LRRC37A2: variants seen among roughly 807,000 people sequenced by gnomAD.
The protein encoded by LRRC37A2 is leucine rich repeat containing 37 member A2, also known as leucine-rich repeat-containing protein 37A2.
A neutral mutation model predicts 68.8 loss-of-function variants in LRRC37A2; 9 were observed. That is an observed-to-expected ratio of 0.13 (90% confidence interval 0.08 to 0.23). The LOEUF (loss-of-function observed/expected upper bound fraction) is 0.23. LRRC37A2 is among the 10% of genes least tolerant of loss of function. The pLI is 1.00. For synonymous variants in LRRC37A2, 63 were observed against 367.6 expected (o/e 0.17, Z 9.48); for missense variants, 168 against 950.4 (o/e 0.18, Z 10.82).
chr17:46,902,461 C>CATGTGTGTGT, the LRRC37A2 span, among the ~76,000 whole-genome samples: 8 of 148,016 alleles, frequency 5.4e-5, no homozygotes, highest in African/African-American at 2.0e-4. Context: ...GGGAACAGTG[C>CATGTGTGTGT]GTGTGTGTGT....
the LRRC37A2 span, among the ~76,000 whole-genome samples, chr17:46,814,067 C>G: frequency 6.6e-6 from 1 of 152,186 alleles, no homozygotes; most frequent in Non-Finnish European, 1.5e-5. Context: ...TTGACCTCAT[C>G]GCCAAAGGTC....
At chr17:46,743,270 CCCTCACCCA>C in the LRRC37A2 span, among the ~76,000 whole-genome samples, 2 of 152,156 alleles carry the variant, frequency 1.3e-5, no homozygotes, top group South Asian at 4.1e-4. Flanking sequence ...GGCATCCCGT[CCCTCACCCA>C]CCTGACCTAA....
the LRRC37A2 span, chr17:46,938,150 C>T: frequency 7.6e-6 from 2 of 264,178 alleles, no homozygotes; most frequent in Non-Finnish European, 1.5e-5. Context: ...GGGATGAGTC[C>T]CTGCGCCTGG....
chr17:46,935,056 G>C, the LRRC37A2 span: 1 of 1,612,502 alleles, frequency 6.2e-7, no homozygotes, highest in Non-Finnish European at 8.5e-7. Flanking sequence ...ACCAATGGAC[G>C]AATCACTGCA....
the LRRC37A2 span, among the ~76,000 whole-genome samples, chr17:46,841,343 C>T: frequency 6.6e-6 from 1 of 152,158 alleles, no homozygotes; most frequent in East Asian, 1.9e-4. Flanking sequence ...TCCTGGCGGT[C>T]CTGGATCAGA....
chr17:46,884,928 C>T, the LRRC37A2 span: 5 of 348,602 alleles, frequency 1.4e-5, no homozygotes, highest in Non-Finnish European at 2.8e-5. Flanking sequence ...AATTTGTGAA[C>T]TCCCCCAACT....
At chr17:46,735,480 AG>A in the LRRC37A2 span, among the ~76,000 whole-genome samples, 1 of 151,850 alleles carries the variant, frequency 6.6e-6, no homozygotes, top group Non-Finnish European at 1.5e-5. Context: ...AAAAAAAAAA[AG>A]AAACCTATGT....
At chr17:47,021,310 GA>G in the LRRC37A2 span, among the ~76,000 whole-genome samples, 1 of 133,332 alleles carries the variant, frequency 7.5e-6, no homozygotes, top group Non-Finnish European at 1.6e-5. Context: ...AATTCAGGGA[GA>G]CAAAATAGAA....
At chr17:47,044,741 T>G in the LRRC37A2 span, among the ~76,000 whole-genome samples, 3 of 151,500 alleles carry the variant, frequency 2.0e-5, no homozygotes, top group East Asian at 3.9e-4. Context: ...CCAAAAATTT[T>G]GGGCTCAAGC....
chr17:46,809,879 C>T, the LRRC37A2 span, among the ~76,000 whole-genome samples: 1 of 152,136 alleles, frequency 6.6e-6, no homozygotes, highest in Admixed American at 6.5e-5. Context: ...CCTGTCCAGC[C>T]CCACTTCTTC....
the LRRC37A2 span, chr17:46,875,288 C>A: frequency 2.9e-4 from 475 of 1,614,158 alleles, no homozygotes; most frequent in African/African-American, 5.6e-3. Context: ...AGTTTCTGAG[C>A]AACTTCCTGG....
chr17:46,722,474 C>T, the LRRC37A2 span, among the ~76,000 whole-genome samples: 1 of 152,154 alleles, frequency 6.6e-6, no homozygotes, highest in Non-Finnish European at 1.5e-5. Context: ...TTTCCAGTAC[C>T]TCTCCTCCTG....
At chr17:46,549,091 A>T (rs1454858429) in exon 10 of LRRC37A2, 1 of 1,611,914 alleles carries the variant, frequency 6.2e-7, no homozygotes, top group African/African-American at 1.4e-5. Flanking sequence ...GACCCACAGA[A>T]CACCCAAAGT....
the LRRC37A2 span, among the ~76,000 whole-genome samples, chr17:46,943,556 T>G: frequency 6.6e-6 from 1 of 152,212 alleles, no homozygotes; most frequent in Non-Finnish European, 1.5e-5. Context: ...ACTGCACGCT[T>G]CCTGCGGAAT....
the LRRC37A2 span, among the ~76,000 whole-genome samples, chr17:46,605,995 C>CAAAAAAAAAAAA: frequency 5.9e-5 from 3 of 51,052 alleles, no homozygotes; most frequent in African/African-American, 2.1e-4. Flanking sequence ...ACTAAAAATA[C>CAAAAAAAAAAAA]AAAAAAAAAA....
chr17:46,941,188 CAAACTCCAAGACCAAGTAAGT>C, the LRRC37A2 span: 6 of 1,003,906 alleles, frequency 6.0e-6, no homozygotes, highest in East Asian at 5.7e-4. Context: ...TAAGAAAAGC[CAAACTCCAAGACCAAGTAAGT>C]TAGAGGAGTC....
the LRRC37A2 span, among the ~76,000 whole-genome samples, chr17:46,493,277 G>A: frequency 7.4e-6 from 1 of 134,626 alleles, no homozygotes; most frequent in Non-Finnish European, 1.5e-5. Context: ...CCCACCTCTC[G>A]GCCTCCCAAG....
At chr17:46,923,226 G>C in the LRRC37A2 span, 2 of 1,551,048 alleles carry the variant, frequency 1.3e-6, no homozygotes, top group Non-Finnish European at 1.7e-6. Context: ...GCACAAGTGA[G>C]GGCCGGTCGG....
chr17:46,773,622 CT>C, the LRRC37A2 span: 3 of 506,092 alleles, frequency 5.9e-6, no homozygotes, highest in South Asian at 1.7e-5. Flanking sequence ...GTCCTGATCC[CT>C]CCCCCCACCC....
Sources: allele counts gnomAD v4.1 joint callset (sites outside exome capture counted in the v4.1 genomes callset), GRCh38; gene constraint gnomAD v4.1.1; transcripts MANE v1.5; gene names NCBI Gene and HGNC (gene_info 2026-07-23, HGNC 2026-07-21).